The following TMOD2 variants were observed in gnomAD, a reference collection of about 807,000 sequenced individuals.
The protein encoded by TMOD2 is tropomodulin-2.
TMOD2 carries 22 observed loss-of-function variants against 39.9 expected under a neutral mutation model. The ratio of observed to expected loss-of-function variants is 0.55; its 90% CI spans 0.39 to 0.79. The LOEUF (loss-of-function observed/expected upper bound fraction) is 0.79. Ranked by LOEUF, TMOD2 falls within the 30% of genes least tolerant of loss-of-function variation. The pLI, the probability that TMOD2 is intolerant of heterozygous loss-of-function variation, is 0.00. For missense variants in TMOD2, 386 were observed against 413.3 expected (o/e 0.93, Z 0.57); for synonymous variants, 123 against 146.1 (o/e 0.84, Z 1.14).
At chr15:51,793,094 AT>A (rs1310606405) in intron 7 of TMOD2, among the ~76,000 whole-genome samples, 17 of 152,206 alleles carry the variant, frequency 1.1e-4, no homozygotes, top group Admixed American at 6.5e-5. Flanking sequence ...ATTAAAAAAA[AT>A]ACATAGTAGA....
intron 7 of TMOD2, among the ~76,000 whole-genome samples, chr15:51,788,830 C>A (rs2055989249): frequency 6.6e-6 from 1 of 152,188 alleles, no homozygotes; most frequent in South Asian, 2.1e-4. Context: ...CACCACCAGA[C>A]CTGCCTTACA....
intron 7 of TMOD2, among the ~76,000 whole-genome samples, chr15:51,791,198 C>G (rs2056009344): frequency 6.6e-6 from 1 of 152,074 alleles, no homozygotes; most frequent in Admixed American, 6.6e-5. Flanking sequence ...ACAAACATTT[C>G]TATACACCAA....
intron 1 of TMOD2, among the ~76,000 whole-genome samples, chr15:51,755,700 G>A (rs922156040): frequency 1.3e-5 from 2 of 152,162 alleles, no homozygotes; most frequent in Non-Finnish European, 2.9e-5. Context: ...TGACTGGGCA[G>A]TGTCCCTTCT....
Position 51,810,763 on chromosome 15 carries a change from T to A in TMOD2, c.*2309T>A, listed in dbSNP as rs1435017275. On this transcript the variant is annotated 3_prime_UTR_variant, in exon 10 of 10. Transcript: ENST00000249700. ...TAAGCCTTTTTCCTTTTTTTTTTTT[T>A]TTTTCTTACTCTCATTCTTGCCTTG... 1 of 151,598 alleles carries A rather than the reference T, an allele frequency of 6.6e-6. No homozygotes were observed. The highest frequency in any genetic ancestry group is 1.5e-5 in the Non-Finnish European group (1 of 67,898). 9.4% of individuals were successfully genotyped at this position (151,598 alleles called of 1,614,324 possible).
Position 51,815,228 on chromosome 15 carries a change from C to G in TMOD2, c.*6774C>G, listed in dbSNP as rs1337372911. The G allele has an allele frequency of 6.4e-6, 1 of 156,632 alleles. No homozygotes were observed. Among genetic ancestry groups the G allele is most frequent in the Non-Finnish European group, 1.4e-5 (1 of 71,704 alleles). The allele number at this position is 156,632 out of a possible 1,614,324, so 9.7% of individuals were successfully genotyped here. On this transcript the variant is annotated 3_prime_UTR_variant, in exon 10 of 10. Transcript: ENST00000249700. ...AGTGAGCCGAGATCACACCACTGCACTCCAGCCTGGGTGACAAGAACGAAA... is the reference window on the plus strand; with the variant it reads ...AGTGAGCCGAGATCACACCACTGCAGTCCAGCCTGGGTGACAAGAACGAAA...
chr15:51,776,906 A>G (rs776056811), intron 4 of TMOD2, 26 bp from the exon 5 acceptor site: 1 of 1,594,946 alleles, frequency 6.3e-7, no homozygotes, highest in Admixed American at 1.7e-5. Flanking sequence ...CTCCAAACTT[A>G]ATGCTCATTT....
intron 5 of TMOD2, among the ~76,000 whole-genome samples, chr15:51,778,810 A>G (rs62015119): frequency 0.087 from 13,261 of 151,908 alleles, 809 homozygotes; most frequent in South Asian, 0.15. Context: ...ATGTGCCACC[A>G]CACCCAACTA....
intron 5 of TMOD2, among the ~76,000 whole-genome samples, chr15:51,778,050 C>T (rs1435760597): frequency 1.3e-4 from 19 of 149,810 alleles, no homozygotes; most frequent in South Asian, 8.6e-4. Context: ...ATGTTTATTG[C>T]GGCACTATTC....
chr15:51,785,131 G>A (rs1188593865), intron 7 of TMOD2, among the ~76,000 whole-genome samples: 1 of 152,038 alleles, frequency 6.6e-6, no homozygotes, highest in Non-Finnish European at 1.5e-5. Context: ...ACTTTATTTG[G>A]GCCGGGCGCG....
chr15:51,798,933 T>C (rs985015958), intron 8 of TMOD2, among the ~76,000 whole-genome samples: 1 of 152,212 alleles, frequency 6.6e-6, no homozygotes, highest in Admixed American at 6.5e-5. Flanking sequence ...CTGATCACAG[T>C]CTCATTGATC....
rs1188745118 is a variant in TMOD2 at position 51,766,541 on chromosome 15, A to G, written c.100A>G (p.Asn34Asp). The G allele has an allele frequency of 5.0e-6, 8 of 1,614,022 alleles. No homozygotes were observed. The highest frequency in any genetic ancestry group is 6.8e-6 in the Non-Finnish European group (8 of 1,180,008). ...LSEEELKQLE[N>D]VLDDLDPESA... ...AGAAGAGGAACTGAAACAGTTGGAA[A>G]ATGTTCTAGATGACCTAGATCCTGA... Residue 34 changes from asparagine (N) to aspartate (D), a missense_variant, in exon 2 of 10, where the codon AAT becomes GAT. By Grantham distance (23) the Asn-to-Asp change is conservative. Transcript: ENST00000249700.
chr15:51,759,727 A>G (rs995456198), intron 1 of TMOD2, among the ~76,000 whole-genome samples: 4 of 152,240 alleles, frequency 2.6e-5, no homozygotes, highest in African/African-American at 9.6e-5. Flanking sequence ...ATATTAATGT[A>G]TCAGCCAGCA....
At position 51,815,782 on chromosome 15, in the gene TMOD2, A is replaced by G. The variant is rs1331327827; in HGVS notation, c.*7328A>G. 3 of 152,198 alleles carry G rather than the reference A, an allele frequency of 2.0e-5. No individual in the cohort carries two copies. Among genetic ancestry groups the G allele is most frequent in the Non-Finnish European group, 4.4e-5 (3 of 68,036 alleles). 9.4% of individuals were successfully genotyped at this position (152,198 alleles called of 1,614,324 possible). A position where few individuals can be genotyped will look rare whatever the true frequency, so the allele number is the denominator to read the frequency against. On this transcript the variant is annotated 3_prime_UTR_variant, in exon 10 of 10. Transcript: ENST00000249700. ...ATGAATAAGCAGCATTTTTCATTGCACTTAAAAATGTAAAATACCTGCATG... is the reference window on the plus strand; with the variant it reads ...ATGAATAAGCAGCATTTTTCATTGCGCTTAAAAATGTAAAATACCTGCATG...
chr15:51,794,365 T>G (rs1350733110), intron 7 of TMOD2, among the ~76,000 whole-genome samples: 1 of 152,230 alleles, frequency 6.6e-6, no homozygotes, highest in Non-Finnish European at 1.5e-5. Flanking sequence ...TTTGTTCTAC[T>G]CCCCAGAAGC....
chr15:51,766,468 G>A lies in TMOD2; in HGVS notation c.27G>A (p.Leu9=), dbSNP rs371614379. 14 of 1,613,836 alleles carry A rather than the reference G, an allele frequency of 8.7e-6. No homozygotes were observed. The African/African-American group carries it at 1.6e-4, about 18-fold the overall frequency. MALPFQKE[L]EKYKNIDEDE... is the part of the protein sequence containing the mutation. ...TGGCACTCCCCTTTCAAAAAGAGCT[G>A]GAGAAATACAAGAACATTGATGAAG... The change falls in exon 2 of 10, where the codon CTG becomes CTA. Residue 9 remains leucine, a synonymous_variant. Transcript: ENST00000249700.
chr15:51,754,334 T>C (rs1301773881), intron 1 of TMOD2, among the ~76,000 whole-genome samples: 1 of 152,206 alleles, frequency 6.6e-6, no homozygotes, highest in East Asian at 1.9e-4. Flanking sequence ...AGCTTTGTGA[T>C]AGGATAGAAG....
chr15:51,756,716 A>G (rs1251832488), intron 1 of TMOD2, among the ~76,000 whole-genome samples: 1 of 152,196 alleles, frequency 6.6e-6, no homozygotes, highest in Non-Finnish European at 1.5e-5. Context: ...GCATTCTAGT[A>G]AGATCTGTTC....
In TMOD2 at chr15:51,771,096, A is replaced by G. The variant is rs2141619983; in HGVS notation, c.284-2616A>G. ...TTAATCTCCAGATGGTTGGTGGGGGAGTTAGGAACGTAGGAGCTGTCTGAG... is the reference window on the plus strand; with the variant it reads ...TTAATCTCCAGATGGTTGGTGGGGGGGTTAGGAACGTAGGAGCTGTCTGAG... On this transcript the variant is annotated intron_variant, in intron 3 of 9. Transcript: ENST00000249700. Among the ~76,000 whole-genome samples, 2 of 152,280 alleles carry G rather than the reference A, an allele frequency of 1.3e-5. 1 individual carries two copies. Among genetic ancestry groups the G allele is most frequent in the South Asian group, 4.1e-4 (2 of 4,824 alleles).
chr15:51,766,335 G>A (rs915304141), intron 1 of TMOD2, 38 bp from the exon 2 acceptor site: 73 of 1,060,742 alleles, frequency 6.9e-5, no homozygotes, highest in Admixed American at 3.9e-4. Flanking sequence ...TTTACAGAAC[G>A]GAGATTCTTT....
Sources: allele counts gnomAD v4.1 joint callset (sites outside exome capture counted in the v4.1 genomes callset), GRCh38; gene constraint gnomAD v4.1.1; transcripts MANE v1.5; gene names NCBI Gene and HGNC (gene_info 2026-07-23, HGNC 2026-07-21).